The following ANKS1B variants were observed in gnomAD, a reference collection of about 807,000 sequenced individuals.
ANKS1B encodes the protein ankyrin repeat and sterile alpha motif domain-containing protein 1B.
In ANKS1B, 36 loss-of-function variants were observed where a neutral mutation model predicts 148.3. The observed-to-expected ratio is 0.24, with a 90% CI of 0.19 to 0.32. ANKS1B has a LOEUF of 0.32. Among genes scored for constraint, ANKS1B ranks in the 10% least tolerant of loss-of-function variants. ANKS1B has a pLI of 1.00. For missense variants in ANKS1B, 1,157 were observed against 1,542.6 expected, an observed-to-expected ratio of 0.75 and a Z score of 4.19; for synonymous variants, 542 against 560.8, an observed-to-expected ratio of 0.97 and a Z score of 0.47.
chr12:99,527,224 T>G (rs1226291549), intron 9 of ANKS1B, among the ~76,000 whole-genome samples: 1 of 152,032 alleles, frequency 6.6e-6, no homozygotes, highest in African/African-American at 2.4e-5. Context: ...CAGTAAAAGG[T>G]ACTCGTTGAA....
rs897878388 is a variant in ANKS1B at position 98,998,168 on chromosome 12, G to T, written c.2778+54989C>A. Among the ~76,000 whole-genome samples, 6 of 152,152 alleles carry T rather than the reference G, an allele frequency of 3.9e-5. No homozygotes were observed. In the East Asian group the frequency reaches 9.6e-4, roughly 24 times the overall value. Reference sequence around the variant, plus strand: ...GGCACTGTGGGAATTTACCCAGACTGCTTTGGGGGAAGACATCTGACACTT... The same window carrying T: ...GGCACTGTGGGAATTTACCCAGACTTCTTTGGGGGAAGACATCTGACACTT... On this transcript the variant is annotated intron_variant, in intron 17 of 26. Coordinates refer to ENST00000683438, the MANE Select transcript of ANKS1B (RefSeq NM_001352186.2).
chr12:99,122,997 A>ATAT (rs57924520), intron 15 of ANKS1B, among the ~76,000 whole-genome samples: 33 of 141,670 alleles, frequency 2.3e-4, no homozygotes, highest in African/African-American at 6.3e-4. Flanking sequence ...TTAAAAAAAA[A>ATAT]ATATATATAT....
chr12:99,984,026 A>T, intron 1 of ANKS1B, 78 bp downstream of exon 1: 1 of 1,280,354 alleles, frequency 7.8e-7, no homozygotes, highest in Non-Finnish European at 1.1e-6. Flanking sequence ...CAGGTGCAAT[A>T]ACCGTGAGGA....
Position 99,690,181 on chromosome 12 carries a change from C to T in ANKS1B, c.1129-34971G>A, listed in dbSNP as rs942480364. Among the ~76,000 whole-genome samples the T allele has an allele frequency of 1.4e-4, 21 of 152,106 alleles. No homozygotes were observed. The East Asian group carries it at 1.7e-3, about 13-fold the overall frequency. ...ATCATGAGAACAGCATAGGGGAAAC[C>T]GCCGCCATAATCTAATTACCTCCAC... On this transcript the variant is annotated intron_variant, in intron 8 of 26. Coordinates refer to ENST00000683438, the MANE Select transcript of ANKS1B (RefSeq NM_001352186.2).
chr12:99,854,330 T>G (rs1036518988), intron 1 of ANKS1B, among the ~76,000 whole-genome samples: 1 of 152,162 alleles, frequency 6.6e-6, no homozygotes, highest in Non-Finnish European at 1.5e-5. Flanking sequence ...GTTTTTGAAT[T>G]AACCCAATCC....
rs71782750 is a variant in ANKS1B, at chr12:98,957,311, A to ATATTTATT, written c.2778+95838_2778+95845dup. 6.5e-3 allele frequency among the ~76,000 whole-genome samples: 933 copies of ATATTTATT among 143,930 alleles called. 6 individuals carry two copies. The highest frequency in any genetic ancestry group is 0.011 in the Admixed American group (162 of 14,212). The allele number at this position is 143,930 out of a possible 152,430, so 94.4% of individuals were successfully genotyped here. On this transcript the variant is annotated intron_variant, in intron 17 of 26. Transcript: ENST00000683438. The stretch of plus-strand genomic sequence containing the variant: ...GTGGATGCTCCAGGATTTTTTTTAA[A>ATATTTATT]TATTTATTTATTTATTTATTTATTT...
chr12:99,827,615 T>C (rs997662609), intron 1 of ANKS1B, among the ~76,000 whole-genome samples: 1 of 152,250 alleles, frequency 6.6e-6, no homozygotes. Context: ...TTTTTTTTAC[T>C]ATCTATATGT....
rs559003464 is a variant in ANKS1B, at chr12:99,635,546, G to T, written c.1272+19521C>A. Among the ~76,000 whole-genome samples, 9 of 152,208 alleles carry T rather than the reference G, an allele frequency of 5.9e-5. No homozygotes were observed. The South Asian group carries it at 1.9e-3, about 32-fold the overall frequency. On this transcript the variant is annotated intron_variant, in intron 9 of 26. Transcript: ENST00000683438. ...ATTCCACTTAGTTGAGGTATCTAGAGTAGTCAAATTCCTAGAAATAAAAAG... is the reference window on the plus strand; with the variant it reads ...ATTCCACTTAGTTGAGGTATCTAGATTAGTCAAATTCCTAGAAATAAAAAG...
At position 99,391,194 on chromosome 12, in the gene ANKS1B, C is replaced by T. The variant is rs17029324; in HGVS notation, c.1756+8437G>A. On this transcript the variant is annotated intron_variant, in intron 12 of 26. Coordinates refer to ENST00000683438, the MANE Select transcript of ANKS1B (RefSeq NM_001352186.2). ...TTGTTACTCTCCAAAGACAGCCTTG[C>T]TCTTGGTTCACAGAGAAAATAAGAG... 3.8e-3 allele frequency among the ~76,000 whole-genome samples: 583 copies of T among 152,310 alleles called. 36 individuals carry two copies. The East Asian group carries it at 0.086, about 22-fold the overall frequency.
chr12:99,881,239 G>A (rs1452418675), intron 1 of ANKS1B, among the ~76,000 whole-genome samples: 1 of 152,144 alleles, frequency 6.6e-6, no homozygotes, highest in African/African-American at 2.4e-5. Context: ...AGAGAGAGTG[G>A]GGGAAATTCC....
At chr12:99,241,398 A>T (rs575587087) in intron 14 of ANKS1B, among the ~76,000 whole-genome samples, 1 of 152,362 alleles carries the variant, frequency 6.6e-6, no homozygotes, top group East Asian at 1.9e-4. Context: ...AAATTGAGGC[A>T]ATAATAAATA....
At chr12:99,321,811 A>T (rs1294353287) in intron 12 of ANKS1B, among the ~76,000 whole-genome samples, 1 of 152,218 alleles carries the variant, frequency 6.6e-6, no homozygotes, top group Non-Finnish European at 1.5e-5. Flanking sequence ...CTATTCGGCC[A>T]TCTTGGGACC....
chr12:99,403,426 G>A (rs1410006929), intron 11 of ANKS1B, among the ~76,000 whole-genome samples: 1 of 143,984 alleles, frequency 6.9e-6, no homozygotes, highest in Non-Finnish European at 1.5e-5. Flanking sequence ...CAAAGTGCTG[G>A]GATTACAGGC....
chr12:99,742,744 A>T (rs2060242518), intron 8 of ANKS1B, among the ~76,000 whole-genome samples: 1 of 151,260 alleles, frequency 6.6e-6, no homozygotes, highest in African/African-American at 2.4e-5. Context: ...AGGCTGAGGC[A>T]GGAGAATCTC....
At chr12:99,663,337 T>C (rs1326615927) in intron 8 of ANKS1B, among the ~76,000 whole-genome samples, 1 of 152,122 alleles carries the variant, frequency 6.6e-6, no homozygotes, top group African/African-American at 2.4e-5. Context: ...AAAGCCACAG[T>C]TGAACATATT....
intron 10 of ANKS1B, among the ~76,000 whole-genome samples, chr12:99,455,730 C>T (rs942601199): frequency 1.3e-5 from 2 of 152,032 alleles, no homozygotes; most frequent in Non-Finnish European, 2.9e-5. Flanking sequence ...GGCCTGGGAA[C>T]TGCAACCCCA....
At chr12:99,613,157 A>G (rs147773058) in intron 9 of ANKS1B, among the ~76,000 whole-genome samples, 8 of 152,250 alleles carry the variant, frequency 5.3e-5, no homozygotes, top group African/African-American at 1.9e-4. Flanking sequence ...ATTGTTGAGT[A>G]AAGAAGGCAT....
At chr12:98,984,444 C>T (rs2099922091) in intron 17 of ANKS1B, among the ~76,000 whole-genome samples, 1 of 152,180 alleles carries the variant, frequency 6.6e-6, no homozygotes. Flanking sequence ...ATTTATCTCT[C>T]TCCTTTCACA....
At chr12:99,673,041 C>A (rs1470471450) in intron 8 of ANKS1B, among the ~76,000 whole-genome samples, 1 of 152,004 alleles carries the variant, frequency 6.6e-6, no homozygotes, top group Non-Finnish European at 1.5e-5. Context: ...AAAATCCATA[C>A]CCTCAAAAAG....
Sources: gnomAD v4.1 joint callset for allele counts (sites outside exome capture counted in the v4.1 genomes callset) on GRCh38, gnomAD v4.1.1 for gene constraint, MANE v1.5 for transcripts, NCBI Gene and HGNC (gene_info 2026-07-23, HGNC 2026-07-21) for gene names.